Variants in ITGAM observed in about 807,000 individuals in gnomAD.
ITGAM encodes the protein integrin subunit alpha M, also known as integrin alpha-M.
ITGAM carries 79 observed loss-of-function variants against 137.5 expected under a neutral mutation model. That is an observed-to-expected ratio of 0.57 (90% confidence interval 0.48 to 0.69). The LOEUF (loss-of-function observed/expected upper bound fraction) is 0.69. Ranked by LOEUF, ITGAM falls within the 30% of genes least tolerant of loss-of-function variation. The probability of loss-of-function intolerance (pLI) is 0.00; values close to 1 mark genes in which losing one functional copy is unlikely to be tolerated. For missense variants in ITGAM, 1,343 were observed against 1,483.5 expected, an observed-to-expected ratio of 0.91 and a Z score of 1.56; for synonymous variants, 583 against 592.3, an observed-to-expected ratio of 0.98 and a Z score of 0.23.
chr16:31,326,981 C>A (rs2080514893), intron 22 of ITGAM, 46 bp downstream of exon 22: 19 of 1,412,902 alleles, frequency 1.3e-5, no homozygotes, highest in Non-Finnish European at 1.9e-5. Context: ...CCGTCTGACG[C>A]CCCAGCCCCT....
intron 14 of ITGAM, among the ~76,000 whole-genome samples, chr16:31,312,539 G>A (rs1209552454): frequency 6.6e-6 from 1 of 152,092 alleles, no homozygotes; most frequent in Non-Finnish European, 1.5e-5. Context: ...TGATCCGCCT[G>A]CCTCAGCCTC....
At chr16:31,323,896 C>T (rs574912238) in intron 16 of ITGAM, among the ~76,000 whole-genome samples, 5 of 152,156 alleles carry the variant, frequency 3.3e-5, no homozygotes, top group African/African-American at 1.2e-4. Flanking sequence ...GCCTATAATC[C>T]CAGCTACTTG....
intron 14 of ITGAM, among the ~76,000 whole-genome samples, chr16:31,319,086 A>C (rs1264979997): frequency 6.6e-6 from 1 of 152,144 alleles, no homozygotes; most frequent in Non-Finnish European, 1.5e-5. Flanking sequence ...AATTTAAATC[A>C]TTTCAAATTT....
At chr16:31,325,179 G>A in intron 19 of ITGAM, 84 bp from the exon 20 acceptor site, 1 of 1,525,490 alleles carries the variant, frequency 6.6e-7, no homozygotes, top group Non-Finnish European at 8.8e-7. Flanking sequence ...TTCATCAAGT[G>A]TCTGCGTCTC....
intron 14 of ITGAM, among the ~76,000 whole-genome samples, chr16:31,309,621 G>A (rs189390105): frequency 6.6e-6 from 1 of 152,226 alleles, no homozygotes; most frequent in Non-Finnish European, 1.5e-5. Flanking sequence ...GCCAGTCTGT[G>A]CCTTTTAATT....
intron 14 of ITGAM, among the ~76,000 whole-genome samples, chr16:31,301,909 C>T (rs1021303405): frequency 3.3e-5 from 5 of 152,160 alleles, no homozygotes; most frequent in East Asian, 1.9e-4. Context: ...AGTCAGTATG[C>T]AGAACTCACT....
In ITGAM at chr16:31,325,379, C is replaced by G. The variant is rs1355196287; in HGVS notation, c.2480C>G (p.Ser827Cys). 2.5e-6 allele frequency: 4 copies of G among 1,613,476 alleles called. No individual in the cohort carries two copies. The highest frequency in any genetic ancestry group is 2.5e-6 in the Non-Finnish European group (3 of 1,179,632). Reference sequence around the variant, plus strand: ...ACCTTCTTCTTCCCGCTTGACCTGTCCTACCGGAAGGTGTCCACGCTCCAG... The same window carrying G: ...ACCTTCTTCTTCCCGCTTGACCTGTGCTACCGGAAGGTGTCCACGCTCCAG... ...QVTFFFPLDL[S>C]YRKVSTLQNQ... The change falls in exon 20 of 30, where the codon TCC (serine) becomes TGC (cysteine). Residue 827 changes from serine (S) to cysteine (C), a missense_variant. Physicochemically the swap from Ser to Cys is moderately radical, Grantham distance 112. Coordinates refer to ENST00000544665, the MANE Select transcript of ITGAM (RefSeq NM_000632.4).
intron 10 of ITGAM, 35 bp downstream of exon 10, chr16:31,276,779 CA>C (rs2079911233): frequency 2.5e-6 from 4 of 1,577,082 alleles, no homozygotes; most frequent in South Asian, 1.1e-5. Context: ...GGGGGTGGGG[CA>C]GGGGGTAGCA....
At chr16:31,329,772 C>A (rs755440884) in intron 24 of ITGAM, 26 bp from the exon 25 acceptor site, 2 of 1,537,852 alleles carry the variant, frequency 1.3e-6, no homozygotes, top group South Asian at 2.4e-5. Flanking sequence ...AAGGCCAGAG[C>A]CCTGACCCCG....
chr16:31,261,001 T>A (rs1374931400), intron 1 of ITGAM, among the ~76,000 whole-genome samples: 6 of 152,208 alleles, frequency 3.9e-5, no homozygotes, highest in Non-Finnish European at 8.8e-5. Context: ...GTTATATAAG[T>A]ACTTGTACAA....
chr16:31,329,073 T>TCTCCC, intron 23 of ITGAM, 155 bp from the exon 24 acceptor site: 1 of 426,224 alleles, frequency 2.3e-6, no homozygotes, highest in Non-Finnish European at 4.5e-6. Flanking sequence ...ACACATTGGT[T>TCTCCC]CCCCCATCCC....
chr16:31,265,889 G>C lies in ITGAM; in HGVS notation c.309+8G>C, dbSNP rs766207191. 4.4e-5 allele frequency: 71 copies of C among 1,613,172 alleles called. No individual in the cohort carries two copies. The highest frequency in any genetic ancestry group is 6.0e-5 in the Non-Finnish European group (71 of 1,179,766). On this transcript the variant is annotated splice_region_variant and intron_variant, in intron 4 of 29. Transcript: ENST00000544665. ...AGCCCCCCTCAGCTGCTGGTGAGTG[G>C]GGCTCGATCAGAGGAGCATCCTAAT...
At chr16:31,261,914 C>A (rs2144243442) in intron 2 of ITGAM, 117 bp downstream of exon 2, 1 of 621,040 alleles carries the variant, frequency 1.6e-6, no homozygotes, top group South Asian at 1.9e-5. Context: ...TCAAAATATA[C>A]AACAAATTCA....
In ITGAM at chr16:31,324,449, C is replaced by T. The variant is rs1172999851; in HGVS notation, c.2053C>T (p.Pro685Ser). The T allele has an allele frequency of 6.4e-7, 1 of 1,559,052 alleles. No homozygotes were observed. The highest frequency in any genetic ancestry group is 1.4e-5 in the African/African-American group (1 of 73,394). Reference protein sequence around the residue: ...TYDLALDSGRPHSRAVFNETK... With the variant: ...TYDLALDSGRSHSRAVFNETK... ...TGACCTGGCTCTGGACTCCGGCCGC[C>T]CACATTCCCGCGCCGTCTTCAATGA... The change falls in exon 17 of 30, where the codon CCA (proline) becomes TCA (serine). Residue 685 changes from proline to serine, a missense_variant. Physicochemically the swap from Pro to Ser is moderately conservative, Grantham distance 74. Coordinates refer to ENST00000544665, the MANE Select transcript of ITGAM (RefSeq NM_000632.4). The surrounding 1 kb of genome is among the most constrained non-coding windows in gnomAD (Gnocchi z 4.5).
intron 14 of ITGAM, among the ~76,000 whole-genome samples, chr16:31,314,012 C>T (rs1401576878): frequency 6.6e-6 from 1 of 151,886 alleles, no homozygotes; most frequent in East Asian, 1.9e-4. Context: ...TGTTTGTTGG[C>T]CACATAAATG....
chr16:31,273,317 T>C (rs2079871761), intron 7 of ITGAM, 48 bp from the exon 8 acceptor site: 1 of 1,486,744 alleles, frequency 6.7e-7, no homozygotes, highest in South Asian at 1.3e-5. Flanking sequence ...AAAAAACTAG[T>C]GTGTCATCTA....
intron 12 of ITGAM, among the ~76,000 whole-genome samples, chr16:31,293,963 A>G (rs943762020): frequency 6.6e-6 from 1 of 152,140 alleles, no homozygotes; most frequent in African/African-American, 2.4e-5. Context: ...CTCTCTGGTT[A>G]GCTGTATTCC....
At chr16:31,288,869 G>A (rs1192424100) in intron 12 of ITGAM, among the ~76,000 whole-genome samples, 2 of 151,894 alleles carry the variant, frequency 1.3e-5, no homozygotes, top group Non-Finnish European at 2.9e-5. Context: ...TCTGACAAAG[G>A]GCTAATATCC....
intron 14 of ITGAM, among the ~76,000 whole-genome samples, chr16:31,307,502 C>G (rs567432288): frequency 4.1e-3 from 620 of 152,188 alleles, no homozygotes; most frequent in African/African-American, 0.013. Context: ...GATTTTGTAT[C>G]CTGAGACTTT....
Sources: gnomAD v4.1 joint callset for allele counts (sites outside exome capture counted in the v4.1 genomes callset) on GRCh38, gnomAD v4.1.1 for gene constraint, Gnocchi (gnomAD v3.1) non-coding constraint, MANE v1.5 for transcripts, NCBI Gene and HGNC (gene_info 2026-07-23, HGNC 2026-07-21) for gene names.